The following CDK13 variants were observed in gnomAD, a reference collection of about 807,000 sequenced individuals.
The protein encoded by CDK13 is cyclin dependent kinase 13, also known as cyclin-dependent kinase 13.
In CDK13, 40 loss-of-function variants were observed where a neutral mutation model predicts 137.6. That is an observed-to-expected ratio of 0.29 (90% confidence interval 0.23 to 0.38). The LOEUF (loss-of-function observed/expected upper bound fraction) is 0.38. Ranked by LOEUF, CDK13 falls within the 10% of genes least tolerant of loss-of-function variation. The pLI is 1.00. For missense variants in CDK13, 1,704 were observed against 1,951.8 expected, an observed-to-expected ratio of 0.87 and a Z score of 2.39; for synonymous variants, 869 against 760.1, an observed-to-expected ratio of 1.14 and a Z score of -2.36.
intron 5 of CDK13, among the ~76,000 whole-genome samples, chr7:40,016,199 T>A (rs1785001554): frequency 6.6e-6 from 1 of 152,218 alleles, no homozygotes; most frequent in Non-Finnish European, 1.5e-5. Flanking sequence ...AATGATTAAC[T>A]GCTGTTTCTT....
At chr7:40,003,200 A>ACTCTCTCT (rs1252886780) in intron 5 of CDK13, among the ~76,000 whole-genome samples, 52 of 86,360 alleles carry the variant, frequency 6.0e-4, no homozygotes, top group African/African-American at 1.5e-3. Context: ...ACACACACAC[A>ACTCTCTCT]CACACACTCT....
At chr7:39,997,472 G>C (rs200663543) in intron 2 of CDK13, 22 bp from the exon 3 acceptor site, 1 of 1,581,564 alleles carries the variant, frequency 6.3e-7, no homozygotes, top group Non-Finnish European at 8.5e-7. Context: ...TGTTTTATTT[G>C]TCTGACTTCT....
chr7:40,006,469 A>G (rs895360327), intron 5 of CDK13, among the ~76,000 whole-genome samples: 1 of 152,188 alleles, frequency 6.6e-6, no homozygotes, highest in Non-Finnish European at 1.5e-5. Flanking sequence ...TACTTTCTGA[A>G]TGAGTAAAAT....
Position 39,955,385 on chromosome 7 carries a change from T to C in CDK13, c.1211+3533T>C, listed in dbSNP as rs535804712. On this transcript the variant is annotated intron_variant, in intron 1 of 13. Coordinates refer to ENST00000181839, the MANE Select transcript of CDK13 (RefSeq NM_003718.5). ...ATTTGAAAGTACATGCTCTTAATAT[T>C]AAAGAGCATGGATTTTGGTTACAAT... is the stretch of plus-strand genomic sequence containing the variant. 2.0e-5 allele frequency among the ~76,000 whole-genome samples: 3 copies of C among 152,250 alleles called. No individual in the cohort carries two copies. The East Asian group carries it at 5.8e-4, about 29-fold the overall frequency.
In CDK13 at chr7:40,021,116, T is replaced by TAC. The variant is rs1229395145; in HGVS notation, c.2353+19086_2353+19087insCA. Among the ~76,000 whole-genome samples, 180 of 99,628 alleles carry TAC rather than the reference T, an allele frequency of 1.8e-3. 2 individuals are homozygous for TAC. Among genetic ancestry groups the TAC allele is most frequent in the African/African-American group, 5.8e-3 (171 of 29,382 alleles). The allele number at this position is 99,628 out of a possible 152,430, so 65.4% of individuals were successfully genotyped here. On this transcript the variant is annotated intron_variant, in intron 5 of 13. Transcript: ENST00000181839. ...GAGCAAACAAACGTATATATATATA[T>TAC]ATATATACACACACACACACACACA...
At chr7:40,058,236 A>G (rs1462868016) in intron 7 of CDK13, among the ~76,000 whole-genome samples, 1 of 152,182 alleles carries the variant, frequency 6.6e-6, no homozygotes, top group Non-Finnish European at 1.5e-5. Context: ...AAGGTTGCCC[A>G]GTGTAATAGG....
intron 5 of CDK13, among the ~76,000 whole-genome samples, chr7:40,008,653 G>A (rs757586766): frequency 6.6e-6 from 1 of 152,170 alleles, no homozygotes; most frequent in African/African-American, 2.4e-5. Context: ...TAAGGAGTCT[G>A]TTCTTAGCAA....
At chr7:39,982,328 CTACAAAGGACA>C (rs1449113982) in intron 1 of CDK13, among the ~76,000 whole-genome samples, 1 of 152,004 alleles carries the variant, frequency 6.6e-6, no homozygotes, top group African/African-American at 2.4e-5. Flanking sequence ...ATCCATGTCC[CTACAAAGGACA>C]TGAACTCATC....
In CDK13 at chr7:40,054,214, G is replaced by A. The variant is rs374607509; in HGVS notation, c.2600+6337G>A. ...TCCTCCAAATATATTTTTGACAAATGAGTTATGCTGTAGGTTTAATCTTCC... is the reference window on the plus strand; with the variant it reads ...TCCTCCAAATATATTTTTGACAAATAAGTTATGCTGTAGGTTTAATCTTCC... On this transcript the variant is annotated intron_variant, in intron 7 of 13. Transcript: ENST00000181839. Among the ~76,000 whole-genome samples, 7 of 152,254 alleles carry A rather than the reference G, an allele frequency of 4.6e-5. No homozygotes were observed. The South Asian group carries it at 1.5e-3, about 32-fold the overall frequency.
Position 40,078,708 on chromosome 7 carries a change from C to T in CDK13, c.2898-12C>T. The T allele has an allele frequency of 6.9e-7, 1 of 1,456,740 alleles. No individual in the cohort carries two copies. Among genetic ancestry groups the T allele is most frequent in the Non-Finnish European group, 9.1e-7 (1 of 1,099,506 alleles). 90.2% of individuals were successfully genotyped at this position (1,456,740 alleles called of 1,614,324 possible). A position where few individuals can be genotyped will look rare whatever the true frequency, so the allele number is the denominator to read the frequency against. On this transcript the variant is annotated splice_polypyrimidine_tract_variant and intron_variant, in intron 10 of 13. Transcript: ENST00000181839. ...AAGAACACATCTAACTTTTGTAATCCTCTCATGCTAGTATTCCTGCAGCTG... is the reference window on the plus strand; with the variant it reads ...AAGAACACATCTAACTTTTGTAATCTTCTCATGCTAGTATTCCTGCAGCTG...
In CDK13 at chr7:40,095,273, T is replaced by C. The variant is rs1444706557; in HGVS notation, c.*293T>C. ...TAATTTTAGGGGCATAAGCCTTTTA[T>C]GGCCCTCTTGCAGATCTTCTGAACT... On this transcript the variant is annotated 3_prime_UTR_variant, in exon 14 of 14. Transcript: ENST00000181839. 9.9e-6 allele frequency: 2 copies of C among 201,324 alleles called. No individual in the cohort carries two copies. Among genetic ancestry groups the C allele is most frequent in the Non-Finnish European group, 2.0e-5 (2 of 100,948 alleles). The allele number at this position is 201,324 out of a possible 1,614,324, so 12.5% of individuals were successfully genotyped here.
intron 5 of CDK13, among the ~76,000 whole-genome samples, chr7:40,012,150 C>G (rs1392237200): frequency 6.6e-6 from 1 of 152,092 alleles, no homozygotes; most frequent in Admixed American, 6.5e-5. Flanking sequence ...AAAAAAAACC[C>G]TAGGAAATAA....
chr7:40,010,282 T>TG (rs1463621068), intron 5 of CDK13, among the ~76,000 whole-genome samples: 1 of 152,102 alleles, frequency 6.6e-6, no homozygotes, highest in African/African-American at 2.4e-5. Flanking sequence ...ATCCCTCACA[T>TG]GCACAGTTCA....
chr7:40,044,472 C>T (rs1237202874), intron 5 of CDK13, among the ~76,000 whole-genome samples: 2 of 151,962 alleles, frequency 1.3e-5, no homozygotes, highest in East Asian at 3.9e-4. Flanking sequence ...TAACACACCA[C>T]CACGCCAGGC....
intron 9 of CDK13, chr7:40,071,398 C>T (rs1786419345): frequency 6.6e-6 from 1 of 152,186 alleles, no homozygotes; most frequent in South Asian, 2.1e-4. Flanking sequence ...AGACATGACA[C>T]TTGGATCCTC....
intron 1 of CDK13, among the ~76,000 whole-genome samples, chr7:39,974,567 T>G (rs1178821824): frequency 1.3e-5 from 2 of 151,364 alleles, no homozygotes; most frequent in African/African-American, 2.4e-5. Flanking sequence ...TTTTTTTTTT[T>G]TTTTTTTTGT....
intron 11 of CDK13, among the ~76,000 whole-genome samples, chr7:40,081,093 T>G (rs1165868670): frequency 6.6e-6 from 1 of 152,216 alleles, no homozygotes; most frequent in East Asian, 1.9e-4. Flanking sequence ...GGAAGAGATC[T>G]TTTGACATTC....
At chr7:39,971,623 G>A (rs995059755) in intron 1 of CDK13, among the ~76,000 whole-genome samples, 2 of 83,986 alleles carry the variant, frequency 2.4e-5, no homozygotes, top group African/African-American at 4.8e-5. Flanking sequence ...CAGGCTGGGT[G>A]TGGTGGCTCG....
intron 5 of CDK13, among the ~76,000 whole-genome samples, chr7:40,042,826 C>T (rs934496906): frequency 1.3e-5 from 2 of 151,896 alleles, no homozygotes; most frequent in South Asian, 4.2e-4. Context: ...TTCTGTCACC[C>T]AGGCTGGAAT....
Sources: allele counts gnomAD v4.1 joint callset (sites outside exome capture counted in the v4.1 genomes callset), GRCh38; gene constraint gnomAD v4.1.1; transcripts MANE v1.5; gene names NCBI Gene and HGNC (gene_info 2026-07-23, HGNC 2026-07-21).